The following SYN3 variants were observed in gnomAD, a reference collection of about 807,000 sequenced individuals.
SYN3 encodes synapsin-3.
Under a neutral mutation model 65.8 loss-of-function variants are expected in SYN3, and 35 were observed. The ratio of observed to expected loss-of-function variants is 0.53; its 90% confidence interval spans 0.41 to 0.70. The LOEUF (loss-of-function observed/expected upper bound fraction) is 0.70, where lower values mean the gene tolerates loss of function less well. SYN3 is among the 30% of genes least tolerant of loss of function. SYN3 has a pLI of 0.00. For missense variants in SYN3, 680 were observed against 749.0 expected (o/e 0.91, Z 1.08); for synonymous variants, 270 against 292.9 (o/e 0.92, Z 0.80).
At chr22:32,696,973 G>C (rs1470392196) in intron 6 of SYN3, among the ~76,000 whole-genome samples, 3 of 152,178 alleles carry the variant, frequency 2.0e-5, no homozygotes, top group Admixed American at 2.0e-4. Context: ...CCTCCTTGCA[G>C]CTTGGGGAAA....
chr22:32,564,867 C>A (rs1171572046), intron 7 of SYN3, among the ~76,000 whole-genome samples: 1 of 139,542 alleles, frequency 7.2e-6, no homozygotes, highest in Non-Finnish European at 1.5e-5. Flanking sequence ...CCGGACTGCA[C>A]CCTAACAGCG....
At chr22:32,661,406 C>G (rs2060214449) in intron 6 of SYN3, among the ~76,000 whole-genome samples, 1 of 152,270 alleles carries the variant, frequency 6.6e-6, no homozygotes, top group Non-Finnish European at 1.5e-5. Flanking sequence ...ATTCAGAAAC[C>G]ATGATGGCCT....
intron 6 of SYN3, among the ~76,000 whole-genome samples, chr22:32,664,937 C>G (rs1012754799): frequency 9.3e-5 from 14 of 151,062 alleles, no homozygotes; most frequent in Admixed American, 9.2e-4. Context: ...TATCCCTCAA[C>G]CCCTCCCACC....
intron 5 of SYN3, among the ~76,000 whole-genome samples, chr22:32,868,074 T>C (rs1000677749): frequency 6.6e-6 from 1 of 152,186 alleles, no homozygotes; most frequent in African/African-American, 2.4e-5. Context: ...TGAGCTTCCA[T>C]CTCTGTAAAA....
At chr22:32,517,520 G>A (rs1008203020) in intron 13 of SYN3, among the ~76,000 whole-genome samples, 1 of 152,122 alleles carries the variant, frequency 6.6e-6, no homozygotes, top group Non-Finnish European at 1.5e-5. Context: ...GTAGATAAAT[G>A]TGCATTTCAG....
intron 4 of SYN3, among the ~76,000 whole-genome samples, chr22:32,891,515 T>G (rs2049445368): frequency 6.6e-6 from 1 of 152,172 alleles, no homozygotes; most frequent in South Asian, 2.1e-4. Flanking sequence ...CTCTGAGGAT[T>G]TATAGAATTC....
intron 10 of SYN3, among the ~76,000 whole-genome samples, chr22:32,530,820 C>T (rs1330082291): frequency 7.2e-5 from 11 of 151,814 alleles, no homozygotes; most frequent in East Asian, 1.9e-4. Context: ...CTGGCCAACA[C>T]GGTGAAACCC....
chr22:32,901,587 C>T (rs968673586), intron 4 of SYN3, among the ~76,000 whole-genome samples: 2 of 152,332 alleles, frequency 1.3e-5, no homozygotes, highest in East Asian at 1.9e-4. Context: ...ATTTAGCTTT[C>T]TATTTATCAA....
rs61625935 is a variant in SYN3 at position 32,692,098 on chromosome 22, G to GTTT, written c.712-95365_712-95363dup. Among the ~76,000 whole-genome samples, 945 of 122,130 alleles carry GTTT rather than the reference G, an allele frequency of 7.7e-3. 15 individuals are homozygous for GTTT. Among genetic ancestry groups the GTTT allele is most frequent in the African/African-American group, 0.025 (843 of 34,274 alleles). The allele number at this position is 122,130 out of a possible 152,430, so 80.1% of individuals were successfully genotyped here. The stretch of plus-strand genomic sequence containing the variant: ...TTACTCTAGAGCTGCTGTGGTCATT[G>GTTT]TTTTTTTTTTGTTTGCTTTTGTTTG... On this transcript the variant is annotated intron_variant, in intron 6 of 13. Coordinates refer to ENST00000358763, the MANE Select transcript of SYN3 (RefSeq NM_003490.4).
intron 5 of SYN3, among the ~76,000 whole-genome samples, chr22:32,866,088 C>T (rs1012678729): frequency 6.6e-6 from 1 of 152,110 alleles, no homozygotes; most frequent in Admixed American, 6.5e-5. Flanking sequence ...TTAGAATTCA[C>T]CCAGAAGGTG....
intron 6 of SYN3, among the ~76,000 whole-genome samples, chr22:32,626,622 C>T (rs1285894287): frequency 3.3e-5 from 5 of 152,114 alleles, no homozygotes; most frequent in Non-Finnish European, 4.4e-5. Context: ...CTGCCCCAAC[C>T]GGGGAATGGT....
intron 6 of SYN3, among the ~76,000 whole-genome samples, chr22:32,779,662 G>C (rs1166652654): frequency 6.6e-6 from 1 of 152,132 alleles, no homozygotes; most frequent in Non-Finnish European, 1.5e-5. Flanking sequence ...GGGGCACTCA[G>C]CTGGCTAGTT....
At chr22:32,967,627 TA>T (rs1383648062) in intron 3 of SYN3, among the ~76,000 whole-genome samples, 1 of 152,220 alleles carries the variant, frequency 6.6e-6, no homozygotes, top group African/African-American at 2.4e-5. Flanking sequence ...CCAAGTCAAT[TA>T]AAAGGCATTT....
intron 1 of SYN3, among the ~76,000 whole-genome samples, chr22:33,009,122 T>G (rs2053283091): frequency 6.6e-6 from 1 of 152,092 alleles, no homozygotes; most frequent in Non-Finnish European, 1.5e-5. Context: ...AATTGAGAAG[T>G]AGATCTTTTC....
chr22:32,527,939 G>T lies in SYN3; in HGVS notation c.1297C>A (p.Gln433Lys). Residue 433 changes from glutamine to lysine, a missense_variant, in exon 12 of 14, where the codon CAG (glutamine) becomes AAG (lysine). Gln to Lys is a moderately conservative substitution (Grantham distance 53). Transcript: ENST00000358763. ...AQLGPQLGQPQPRPPPQGGPR... is the reference protein window; with the variant it reads ...AQLGPQLGQPKPRPPPQGGPR... ...ATACCTTGCGGAGGTGGGCGTGGCT[G>T]GGGCTGGCCTAGCTGAGGCCCCAGC... The T allele has an allele frequency of 6.3e-7, 1 of 1,590,508 alleles. No homozygotes were observed. Among genetic ancestry groups the T allele is most frequent in the South Asian group, 1.1e-5 (1 of 87,802 alleles).
chr22:33,030,312 T>C (rs1037785222), intron 1 of SYN3, among the ~76,000 whole-genome samples: 7 of 152,198 alleles, frequency 4.6e-5, no homozygotes, highest in Non-Finnish European at 8.8e-5. Context: ...ACCTTCTGGA[T>C]GCCTTGCTTA....
At chr22:32,710,909 C>T (rs1368066027) in intron 6 of SYN3, among the ~76,000 whole-genome samples, 1 of 152,096 alleles carries the variant, frequency 6.6e-6, no homozygotes, top group Admixed American at 6.6e-5. Context: ...AATACACGCC[C>T]CCCATGAAAG....
At chr22:32,548,562 C>T (rs1348998037) in intron 7 of SYN3, among the ~76,000 whole-genome samples, 4 of 151,656 alleles carry the variant, frequency 2.6e-5, no homozygotes, top group Non-Finnish European at 5.9e-5. Flanking sequence ...TTAGTAGAGA[C>T]GTGGTTTCAC....
intron 4 of SYN3, among the ~76,000 whole-genome samples, chr22:32,899,421 A>G (rs1358484794): frequency 1.3e-5 from 2 of 152,308 alleles, no homozygotes; most frequent in African/African-American, 4.8e-5. Context: ...CAGGAGTGGG[A>G]CTGGGGAACG....
Sources: gnomAD v4.1 joint callset for allele counts (sites outside exome capture counted in the v4.1 genomes callset) on GRCh38, gnomAD v4.1.1 for gene constraint, MANE v1.5 for transcripts, NCBI Gene and HGNC (gene_info 2026-07-23, HGNC 2026-07-21) for gene names.